The following MAEA variants were observed in gnomAD, a reference collection of about 807,000 sequenced individuals.
MAEA encodes the protein macrophage erythroblast attacher, E3 ubiquitin ligase, also known as E3 ubiquitin-protein transferase MAEA.
MAEA carries 22 observed loss-of-function variants against 46.2 expected under a neutral mutation model. That is an observed-to-expected ratio of 0.48 (90% CI 0.34 to 0.68). MAEA has a LOEUF of 0.68. MAEA is among the 30% of genes least tolerant of loss of function. MAEA has a pLI of 0.01. For missense variants in MAEA, 393 were observed against 558.1 expected (o/e 0.70, Z 2.98); for synonymous variants, 246 against 222.6 (o/e 1.11, Z -0.94).
At chr4:1,335,534 C>A (rs1047245039) in intron 6 of MAEA, 2 of 890,658 alleles carry the variant, frequency 2.2e-6, no homozygotes, top group Non-Finnish European at 2.7e-6. Flanking sequence ...GTTGAAACCA[C>A]AGAGTTAAGT....
At position 1,309,584 on chromosome 4, in the gene MAEA, A is replaced by G. The variant is rs536456368; in HGVS notation, c.70-2395A>G. On this transcript the variant is annotated intron_variant, in intron 1 of 8. Transcript: ENST00000303400. The stretch of plus-strand genomic sequence containing the variant: ...CCCGGGCCAGCGCTGGAGGAGGAGC[A>G]GAGGCAGGGAGGTGGGAGGAGCGTG... 633 of 1,496,858 alleles carry G rather than the reference A, an allele frequency of 4.2e-4. 2 individuals carry two copies. The African/African-American group carries it at 8.1e-3, about 19-fold the overall frequency. The allele number at this position is 1,496,858 out of a possible 1,614,324, so 92.7% of individuals were successfully genotyped here.
chr4:1,301,966 TAAG>T (rs138442398), intron 1 of MAEA, among the ~76,000 whole-genome samples: 23,327 of 152,068 alleles, frequency 0.15, 3,418 homozygotes, highest in East Asian at 0.41. Context: ...TAAAAACAGT[TAAG>T]GAGGGATTAC....
At chr4:1,319,988 T>A (rs1560363095) in intron 3 of MAEA, among the ~76,000 whole-genome samples, 1 of 108,240 alleles carries the variant, frequency 9.2e-6, no homozygotes, top group African/African-American at 3.8e-5. Flanking sequence ...CAGAAAAGAA[T>A]CATCAAAGCA....
At chr4:1,331,102 G>A (rs1348217062) in intron 5 of MAEA, 1 of 151,810 alleles carries the variant, frequency 6.6e-6, no homozygotes, top group East Asian at 1.9e-4. Flanking sequence ...AGGGTGACTT[G>A]TCTCCAGAGA....
chr4:1,315,905 C>G lies in MAEA; in HGVS notation c.456+305C>G, dbSNP rs867661572. On this transcript the variant is annotated intron_variant, in intron 3 of 8. Coordinates refer to ENST00000303400, the MANE Select transcript of MAEA (RefSeq NM_001017405.3). ...CCCCCCCAATGTGCGTGTTTCTCCC[C>G]CACCCCGTGTGTGTGTCTGCGCTGT... Among the ~76,000 whole-genome samples, 271 of 129,774 alleles carry G rather than the reference C, an allele frequency of 2.1e-3. 3 individuals carry two copies. Among genetic ancestry groups the G allele is most frequent in the African/African-American group, 6.5e-3 (227 of 35,098 alleles). The allele number at this position is 129,774 out of a possible 152,430, so 85.1% of individuals were successfully genotyped here.
At chr4:1,312,423 ATTT>A (rs34329974) in intron 2 of MAEA, 2,862 of 170,390 alleles carry the variant, frequency 0.017, no homozygotes, top group South Asian at 0.029. Context: ...AGGTTGATTG[ATTT>A]TTTTTTTTTT....
chr4:1,314,035 A>C (rs922885072), intron 2 of MAEA, among the ~76,000 whole-genome samples: 3 of 152,164 alleles, frequency 2.0e-5, no homozygotes, highest in African/African-American at 4.8e-5. Context: ...CACTGTCTTA[A>C]AAAAGTGATT....
intron 1 of MAEA, among the ~76,000 whole-genome samples, chr4:1,296,509 C>T (rs1383022207): frequency 6.9e-6 from 1 of 144,628 alleles, no homozygotes; most frequent in Non-Finnish European, 1.5e-5. Flanking sequence ...GCCCCCCTCA[C>T]CTGTGCTGTG....
At chr4:1,313,457 C>T (rs73073729) in intron 2 of MAEA, among the ~76,000 whole-genome samples, 12,736 of 152,210 alleles carry the variant, frequency 0.084, 1,753 homozygotes, top group African/African-American at 0.29. Context: ...AGGCTGGGCG[C>T]GGTGGCTCAC....
chr4:1,305,941 G>T (rs1054691825), intron 1 of MAEA, among the ~76,000 whole-genome samples: 1 of 152,192 alleles, frequency 6.6e-6, no homozygotes, highest in Admixed American at 6.5e-5. Flanking sequence ...GCGGGCGGGA[G>T]ATCCAAGAAG....
chr4:1,309,625 G>A, intron 1 of MAEA: 1 of 1,527,176 alleles, frequency 6.5e-7, no homozygotes, highest in South Asian at 1.2e-5. Flanking sequence ...AGGCGTGGGA[G>A]GCCTGAGGAG....
At chr4:1,309,612 C>T (rs1003257943) in intron 1 of MAEA, 3 of 1,518,382 alleles carry the variant, frequency 2.0e-6, no homozygotes, top group African/African-American at 1.4e-5. Flanking sequence ...GGAGCGTGCG[C>T]AGAGGCGTGG....
intron 6 of MAEA, 88 bp downstream of exon 6, chr4:1,332,953 C>G (rs1010722751): frequency 1.0e-6 from 1 of 1,004,960 alleles, no homozygotes; most frequent in Non-Finnish European, 1.5e-6. Context: ...ACACGTGGGG[C>G]GGGACGTGAG....
At chr4:1,327,885 G>A (rs1208479475) in intron 5 of MAEA, among the ~76,000 whole-genome samples, 182 bp downstream of exon 5, 2 of 152,212 alleles carry the variant, frequency 1.3e-5, no homozygotes, top group African/African-American at 4.8e-5. Context: ...GGGACTTGGG[G>A]AGTGAGGCCT....
intron 3 of MAEA, among the ~76,000 whole-genome samples, chr4:1,318,796 ACCTGTGCACCAAAATT>A (rs895999167): frequency 4.6e-5 from 7 of 152,180 alleles, no homozygotes; most frequent in African/African-American, 1.4e-4. Flanking sequence ...CCAGTTTCCT[ACCTGTGCACCAAAATT>A]CCTGTGCACC....
chr4:1,290,562 T>G (rs562525036), intron 1 of MAEA, among the ~76,000 whole-genome samples: 21 of 152,336 alleles, frequency 1.4e-4, no homozygotes, highest in African/African-American at 5.1e-4. Flanking sequence ...AGAATGAAAT[T>G]TGTGCTCCTA....
intron 7 of MAEA, chr4:1,338,187 G>A: frequency 2.0e-6 from 1 of 493,678 alleles, no homozygotes; most frequent in South Asian, 3.3e-5. Flanking sequence ...CTGTGGTCCT[G>A]GTGCTGGAGG....
At chr4:1,304,015 C>A (rs1362731347) in intron 1 of MAEA, among the ~76,000 whole-genome samples, 1 of 151,844 alleles carries the variant, frequency 6.6e-6, no homozygotes, top group Non-Finnish European at 1.5e-5. Flanking sequence ...GTTTTTAGTC[C>A]AGGTCCATAG....
At chr4:1,329,791 A>G (rs1739308539) in intron 5 of MAEA, 1 of 985,282 alleles carries the variant, frequency 1.0e-6, no homozygotes, top group African/African-American at 1.7e-5. Flanking sequence ...TGTATCACTC[A>G]CTGAGGCTGG....
Sources: allele counts gnomAD v4.1 joint callset (sites outside exome capture counted in the v4.1 genomes callset), GRCh38; gene constraint gnomAD v4.1.1; transcripts MANE v1.5; gene names NCBI Gene and HGNC (gene_info 2026-07-23, HGNC 2026-07-21).